Variants in ZIC4 observed in about 807,000 individuals in gnomAD.
ZIC4 encodes the protein Zic family zinc finger 4, also known as zinc finger protein ZIC 4.
Under a neutral mutation model 28.8 loss-of-function variants are expected in ZIC4, and 15 were observed. The ratio of observed to expected loss-of-function variants is 0.52; its 90% CI spans 0.35 to 0.80. ZIC4 has a LOEUF of 0.80. Among genes scored for constraint, ZIC4 ranks in the 30% least tolerant of loss-of-function variants. The pLI, the probability that ZIC4 is intolerant of heterozygous loss-of-function variation, is 0.01. For missense variants in ZIC4, 512 were observed against 467.1 expected, an observed-to-expected ratio of 1.10 and a Z score of -0.89; for synonymous variants, 220 against 198.1, an observed-to-expected ratio of 1.11 and a Z score of -0.93.
chr3:147,402,897 A>G (rs762926162), intron 1 of ZIC4, 85 bp from the exon 2 acceptor site: 60 of 1,117,798 alleles, frequency 5.4e-5, no homozygotes, highest in Non-Finnish European at 7.5e-5. Context: ...GAATGTATGA[A>G]TGAAAGAAGG....
rs1038518704 is a variant in ZIC4 at position 147,394,994 on chromosome 3, G to C, written c.688+858C>G. Among the ~76,000 whole-genome samples, 7 of 152,204 alleles carry C rather than the reference G, an allele frequency of 4.6e-5. 1 individual carries two copies. Among genetic ancestry groups the C allele is most frequent in the African/African-American group, 1.7e-4 (7 of 41,456 alleles). On this transcript the variant is annotated intron_variant, in intron 3 of 4. Coordinates refer to ENST00000383075, the MANE Select transcript of ZIC4 (RefSeq NM_032153.6). ...CCCTTCTCCCGCCCCCAAAATGGGG[G>C]AGGGGAGAAGATGTTGATTTCTTAA...
At chr3:147,390,810 A>G in intron 4 of ZIC4, 121 bp downstream of exon 4, 1 of 1,253,256 alleles carries the variant, frequency 8.0e-7, no homozygotes, top group Non-Finnish European at 1.1e-6. Context: ...CGGAAGCAGC[A>G]ATCACAGAGG....
At chr3:147,404,255 C>T (rs1418080982) in intron 1 of ZIC4, 17 of 1,437,170 alleles carry the variant, frequency 1.2e-5, no homozygotes, top group Non-Finnish European at 1.4e-5. Context: ...CAGCCCCAAC[C>T]CAACTTCTAA....
At chr3:147,392,791 C>T (rs1576456855) in intron 3 of ZIC4, 2 of 152,406 alleles carry the variant, frequency 1.3e-5, no homozygotes, top group East Asian at 1.9e-4. Context: ...GAGCCCGGGT[C>T]TCCGGCACCA....
chr3:147,396,583 G>C lies in ZIC4; in HGVS notation c.71-114C>G. On this transcript the variant is annotated intron_variant, in intron 2 of 4. Transcript: ENST00000383075. The surrounding 1 kb of genome is among the most constrained non-coding windows in gnomAD (Gnocchi z 4.2). ...CGCACTACGGCCTCTGCAGTCAGCC[G>C]TGGAACTCAGAGCCAGACAGCGCCA... 1 of 1,333,674 alleles carries C rather than the reference G, an allele frequency of 7.5e-7. No individual in the cohort carries two copies. Among genetic ancestry groups the C allele is most frequent in the Admixed American group, 3.1e-5 (1 of 32,236 alleles). 82.6% of individuals were successfully genotyped at this position (1,333,674 alleles called of 1,614,324 possible).
In ZIC4 at chr3:147,396,707, G is replaced by GGGAT; in HGVS notation, c.71-242_71-239dup. On this transcript the variant is annotated intron_variant, in intron 2 of 4. Coordinates refer to ENST00000383075, the MANE Select transcript of ZIC4 (RefSeq NM_032153.6). This position sits in a 1 kb window ranked among gnomAD's most constrained non-coding sequence, Gnocchi z 4.2. The stretch of plus-strand genomic sequence containing the variant: ...CCCCCGCCGCGCCATGAGCTAGAGA[G>GGGAT]GGATGGTAGCGGCAGAGTAGATGTA... 2.1e-6 allele frequency: 1 copy of GGGAT among 483,666 alleles called. No individual in the cohort carries two copies. Among genetic ancestry groups the GGGAT allele is most frequent in the East Asian group, 3.2e-5 (1 of 31,180 alleles). The allele number at this position is 483,666 out of a possible 1,614,324, so 30.0% of individuals were successfully genotyped here.
chr3:147,394,081 G>A lies in ZIC4; in HGVS notation c.688+1771C>T, dbSNP rs1052156472. 3.5e-4 allele frequency: 145 copies of A among 417,742 alleles called. 1 individual carries two copies. The highest frequency in any genetic ancestry group is 3.7e-4 in the Admixed American group (14 of 37,728). 25.9% of individuals were successfully genotyped at this position (417,742 alleles called of 1,614,324 possible). On this transcript the variant is annotated intron_variant, in intron 3 of 4. Transcript: ENST00000383075. Reference sequence around the variant, plus strand: ...GAACTGTCTTCATGAATAATTTGTAGTGAGGTCTATTGCCATTTGAGAAAT... The same window carrying A: ...GAACTGTCTTCATGAATAATTTGTAATGAGGTCTATTGCCATTTGAGAAAT...
At chr3:147,394,117 C>CCTCT (rs113382372) in intron 3 of ZIC4, among the ~76,000 whole-genome samples, 21,041 of 145,084 alleles carry the variant, frequency 0.15, 1,445 homozygotes, top group East Asian at 0.21. Context: ...ATTTTTTTTC[C>CCTCT]CTCTCTCTCT....
chr3:147,396,066 G>T lies in ZIC4; in HGVS notation c.474C>A (p.Val158=), dbSNP rs1218058693. Residue 158 remains valine (V), a synonymous_variant, in exon 3 of 5, where the codon GTC becomes GTA. Transcript: ENST00000383075. This position sits in a 1 kb window ranked among gnomAD's most constrained non-coding sequence, Gnocchi z 4.2. ...FSTMHELVTH[V]TVEHVGGPEQ... ...CCGGGCCGCCGACGTGCTCCACGGTGACGTGCGTGACCAGCTCGTGCATGG... is the reference window on the plus strand; with the variant it reads ...CCGGGCCGCCGACGTGCTCCACGGTTACGTGCGTGACCAGCTCGTGCATGG... 1.2e-6 allele frequency: 2 copies of T among 1,614,148 alleles called. No homozygotes were observed. The highest frequency in any genetic ancestry group is 1.3e-5 in the African/African-American group (1 of 74,960).
intron 3 of ZIC4, among the ~76,000 whole-genome samples, chr3:147,395,435 G>A (rs1185955748): frequency 2.0e-5 from 3 of 152,162 alleles, no homozygotes; most frequent in Admixed American, 6.5e-5. Context: ...AGTCCAGGTG[G>A]GCCAGGTTAT....
At chr3:147,403,976 G>A (rs1404045679) in intron 1 of ZIC4, 1 of 1,536,706 alleles carries the variant, frequency 6.5e-7, no homozygotes, top group Admixed American at 2.0e-5. Context: ...TTTCCCAGAG[G>A]GTATTATTAT....
chr3:147,404,818 C>T (rs2107986626), intron 1 of ZIC4, among the ~76,000 whole-genome samples: 1 of 152,290 alleles, frequency 6.6e-6, no homozygotes, highest in Admixed American at 6.5e-5. Flanking sequence ...TGGGGCCGAC[C>T]TAGCCGGCGC....
At chr3:147,392,427 A>C (rs1056456238) in intron 3 of ZIC4, 91 of 985,460 alleles carry the variant, frequency 9.2e-5, no homozygotes, top group Non-Finnish European at 1.1e-4. Flanking sequence ...GCTCACGGCC[A>C]GCTGAATTCG....
rs1048815910 is a variant in ZIC4, at chr3:147,396,487, A to C, written c.71-18T>G. On this transcript the variant is annotated intron_variant, in intron 2 of 4. Transcript: ENST00000383075. The surrounding 1 kb of genome is among the most constrained non-coding windows in gnomAD (Gnocchi z 4.2). ...GCTGCTACCTGTTGTCGAAACAAAT[A>C]GCGCGCATGAGAACGGGTGGCGTGG... 1 of 1,502,852 alleles carries C rather than the reference A, an allele frequency of 6.7e-7. No homozygotes were observed. The highest frequency in any genetic ancestry group is 1.4e-5 in the African/African-American group (1 of 71,438). The allele number at this position is 1,502,852 out of a possible 1,614,324, so 93.1% of individuals were successfully genotyped here.
At chr3:147,400,874 A>T (rs1418705263) in intron 2 of ZIC4, among the ~76,000 whole-genome samples, 1 of 152,104 alleles carries the variant, frequency 6.6e-6, no homozygotes, top group Non-Finnish European at 1.5e-5. Context: ...TTTTTTCCAG[A>T]AACATCTCAC....
chr3:147,400,819 A>T (rs1164506140), intron 2 of ZIC4, among the ~76,000 whole-genome samples: 1 of 152,152 alleles, frequency 6.6e-6, no homozygotes, highest in Non-Finnish European at 1.5e-5. Flanking sequence ...GAGATTATCA[A>T]TTGGGCTGGC....
At chr3:147,399,533 G>A (rs778798283) in intron 2 of ZIC4, among the ~76,000 whole-genome samples, 6 of 152,116 alleles carry the variant, frequency 3.9e-5, no homozygotes, top group Non-Finnish European at 7.3e-5. Flanking sequence ...TTAAGTGCAG[G>A]GGAACTTCTG....
chr3:147,404,439 C>T (rs962358190), intron 1 of ZIC4, among the ~76,000 whole-genome samples: 2 of 152,200 alleles, frequency 1.3e-5, no homozygotes, highest in African/African-American at 4.8e-5. Flanking sequence ...TAAACATCTC[C>T]TTTAGTTCAA....
intron 3 of ZIC4, among the ~76,000 whole-genome samples, chr3:147,394,117 CCTCTCTCT>C (rs113382372): frequency 9.6e-5 from 14 of 145,116 alleles, no homozygotes; most frequent in African/African-American, 3.1e-4. Flanking sequence ...ATTTTTTTTC[CCTCTCTCT>C]CTCTCTCTCT....
Sources: gnomAD v4.1 joint callset for allele counts (sites outside exome capture counted in the v4.1 genomes callset) on GRCh38, gnomAD v4.1.1 for gene constraint, Gnocchi (gnomAD v3.1) non-coding constraint, MANE v1.5 for transcripts, NCBI Gene and HGNC (gene_info 2026-07-23, HGNC 2026-07-21) for gene names.